Variants in MBD5 observed in about 807,000 individuals in gnomAD.
MBD5 encodes methyl-CpG binding domain protein 5.
MBD5 carries 13 observed loss-of-function variants against 117.3 expected under a neutral mutation model. That is an observed-to-expected ratio of 0.11 (90% CI 0.07 to 0.18). The LOEUF (loss-of-function observed/expected upper bound fraction) is 0.18. MBD5 is among the 10% of genes least tolerant of loss of function. The pLI, the probability that MBD5 is intolerant of heterozygous loss-of-function variation, is 1.00. For missense variants in MBD5, 1,879 were observed against 2,093.8 expected (o/e 0.90, Z 2.00); for synonymous variants, 727 against 766.4 (o/e 0.95, Z 0.85).
At chr2:148,048,736 G>A (rs1694610713) in intron 1 of MBD5, among the ~76,000 whole-genome samples, 1 of 152,136 alleles carries the variant, frequency 6.6e-6, no homozygotes. Flanking sequence ...AAAGAATGGA[G>A]TAGAAAACAG....
At chr2:148,224,690 T>C (rs991182884) in intron 2 of MBD5, among the ~76,000 whole-genome samples, 7 of 151,862 alleles carry the variant, frequency 4.6e-5, no homozygotes, top group African/African-American at 1.5e-4. Context: ...TTGGGGCCTA[T>C]CTCTATCTTT....
At chr2:148,286,188 G>A (rs1701365352) in intron 3 of MBD5, among the ~76,000 whole-genome samples, 1 of 152,078 alleles carries the variant, frequency 6.6e-6, no homozygotes, top group Non-Finnish European at 1.5e-5. Context: ...TTTAATACAT[G>A]AACATATTTT....
intron 4 of MBD5, among the ~76,000 whole-genome samples, chr2:148,428,464 T>C (rs1005996299): frequency 6.6e-6 from 1 of 152,078 alleles, no homozygotes; most frequent in African/African-American, 2.4e-5. Context: ...CAAGCTACCA[T>C]TGAGTTTCTT....
chr2:148,490,648 A>G, intron 11 of MBD5, 54 bp downstream of exon 11: 1 of 1,603,558 alleles, frequency 6.2e-7, no homozygotes, highest in African/African-American at 1.3e-5. Flanking sequence ...GATATCAATT[A>G]TTGCTTTTTG....
intron 4 of MBD5, among the ~76,000 whole-genome samples, chr2:148,446,592 G>C (rs1706533588): frequency 2.8e-5 from 2 of 72,076 alleles, no homozygotes; most frequent in Middle Eastern, 0.014. Context: ...TTACATACCA[G>C]ATTATTTATC....
intron 2 of MBD5, among the ~76,000 whole-genome samples, chr2:148,225,817 C>G (rs1409549268): frequency 6.6e-6 from 1 of 152,154 alleles, no homozygotes; most frequent in Non-Finnish European, 1.5e-5. Context: ...GAAAATTCTG[C>G]TGTCAGATAT....
chr2:148,219,710 G>A (rs546373852), intron 2 of MBD5, among the ~76,000 whole-genome samples: 2 of 152,248 alleles, frequency 1.3e-5, no homozygotes, highest in African/African-American at 4.8e-5. Context: ...GTGTCACTAA[G>A]TGACACTTTT....
chr2:148,397,153 A>AT (rs1200972081), intron 4 of MBD5, among the ~76,000 whole-genome samples: 2 of 152,016 alleles, frequency 1.3e-5, no homozygotes, highest in Admixed American at 6.6e-5. Context: ...ATCTCTATGA[A>AT]TTTTTTTTAA....
intron 4 of MBD5, among the ~76,000 whole-genome samples, chr2:148,402,767 G>T (rs763580678): frequency 6.6e-6 from 1 of 151,972 alleles, no homozygotes; most frequent in Admixed American, 6.6e-5. Flanking sequence ...CTATTGACTT[G>T]TTGATGGATA....
chr2:148,298,286 C>A (rs1701703074), intron 3 of MBD5, among the ~76,000 whole-genome samples: 1 of 152,152 alleles, frequency 6.6e-6, no homozygotes, highest in Non-Finnish European at 1.5e-5. Flanking sequence ...TGATAGCTTG[C>A]CTTCTGTGGA....
At chr2:148,383,228 G>GA (rs1201113237) in intron 4 of MBD5, among the ~76,000 whole-genome samples, 1 of 151,794 alleles carries the variant, frequency 6.6e-6, no homozygotes. Flanking sequence ...TAAAGAAGAA[G>GA]AGAGAGAAGA....
chr2:148,308,592 C>A (rs1048818396), intron 3 of MBD5, among the ~76,000 whole-genome samples: 2 of 139,590 alleles, frequency 1.4e-5, no homozygotes, highest in African/African-American at 2.7e-5. Flanking sequence ...CATTTTCTTG[C>A]GTTCTGTAGG....
intron 3 of MBD5, among the ~76,000 whole-genome samples, chr2:148,278,288 G>A (rs754584866): frequency 2.0e-5 from 3 of 152,260 alleles, no homozygotes; most frequent in East Asian, 1.9e-4. Context: ...GAGGTTTAGT[G>A]TGTGATCTGT....
At chr2:148,030,116 C>T (rs1334334431) in intron 1 of MBD5, among the ~76,000 whole-genome samples, 2 of 151,924 alleles carry the variant, frequency 1.3e-5, no homozygotes, top group Non-Finnish European at 2.9e-5. Flanking sequence ...ATTAAAAATA[C>T]AAAAATTAGC....
rs544273504 is a variant in MBD5 at position 148,343,308 on chromosome 2, T to C, written c.-557+972T>C. ...TGTACCAAGTAATGTGATTACTGGG[T>C]TGAATGGTAATTCTGTTTTAAGTTC... On this transcript the variant is annotated intron_variant, in intron 4 of 13. Coordinates refer to ENST00000642680, the MANE Select transcript of MBD5 (RefSeq NM_001378120.1). Among the ~76,000 whole-genome samples, 184 of 152,240 alleles carry C rather than the reference T, an allele frequency of 1.2e-3. 1 individual carries two copies. The highest frequency in any genetic ancestry group is 4.2e-3 in the African/African-American group (175 of 41,568).
intron 3 of MBD5, among the ~76,000 whole-genome samples, chr2:148,253,262 T>C (rs1700507606): frequency 6.6e-6 from 1 of 152,190 alleles, no homozygotes; most frequent in South Asian, 2.1e-4. Context: ...TTCCTAGGCA[T>C]TGAAAAAAGA....
chr2:148,426,502 T>A (rs1260038957), intron 4 of MBD5, among the ~76,000 whole-genome samples: 1 of 151,840 alleles, frequency 6.6e-6, no homozygotes, highest in Non-Finnish European at 1.5e-5. Context: ...ATGCCACATA[T>A]CTACAACTAT....
intron 8 of MBD5, among the ~76,000 whole-genome samples, chr2:148,473,123 A>G (rs897621093): frequency 1.3e-5 from 2 of 152,202 alleles, no homozygotes; most frequent in African/African-American, 4.8e-5. Flanking sequence ...AATGCATGTT[A>G]AAAGCCACAT....
chr2:148,272,680 A>G (rs1472724124), intron 3 of MBD5, among the ~76,000 whole-genome samples: 1 of 152,112 alleles, frequency 6.6e-6, no homozygotes, highest in African/African-American at 2.4e-5. Flanking sequence ...TATTTTAGAT[A>G]TTAACTCCTT....
Sources: allele counts gnomAD v4.1 joint callset (sites outside exome capture counted in the v4.1 genomes callset), GRCh38; gene constraint gnomAD v4.1.1; transcripts MANE v1.5; gene names NCBI Gene and HGNC (gene_info 2026-07-23, HGNC 2026-07-21).